Variants in SFXN4 observed in about 807,000 individuals in gnomAD.
The protein encoded by SFXN4 is sideroflexin 4.
SFXN4 carries 48 observed loss-of-function variants against 54.6 expected under a neutral mutation model. That is an observed-to-expected ratio of 0.88 (90% confidence interval 0.70 to 1.12). The LOEUF (loss-of-function observed/expected upper bound fraction) is 1.12, where lower values mean the gene tolerates loss of function less well. Among genes scored for constraint, SFXN4 ranks in the 50% most tolerant of loss-of-function variants. The pLI, the probability that SFXN4 is intolerant of heterozygous loss-of-function variation, is 0.00. For synonymous variants in SFXN4, 130 were observed against 145.5 expected, an observed-to-expected ratio of 0.89 and a Z score of 0.77; for missense variants, 383 against 409.2, an observed-to-expected ratio of 0.94 and a Z score of 0.55.
At chr10:119,155,301 C>A (rs1847237407) in intron 10 of SFXN4, 124 bp from the exon 11 acceptor site, 1 of 672,556 alleles carries the variant, frequency 1.5e-6, no homozygotes, top group African/African-American at 1.8e-5. Context: ...TTTCTTGACC[C>A]TCAGGTGGAC....
intron 11 of SFXN4, among the ~76,000 whole-genome samples, chr10:119,150,907 T>C (rs967779997): frequency 7.2e-5 from 11 of 151,962 alleles, no homozygotes; most frequent in African/African-American, 2.4e-4. Context: ...ATAAGCAAAA[T>C]GCGGCACATC....
In SFXN4 at chr10:119,158,003, G is replaced by A. The variant is rs1402471371; in HGVS notation, c.414+6C>T. The A allele has an allele frequency of 1.2e-6, 2 of 1,613,956 alleles. No individual in the cohort carries two copies. The highest frequency in any genetic ancestry group is 1.3e-5 in the African/African-American group (1 of 74,948). ...TTAGTAATCGTGAAACAGGAAGAAT[G>A]GCTACCTGAGGTAAAATCACGGACT... is the stretch of plus-strand genomic sequence containing the variant. On this transcript the variant is annotated splice_donor_region_variant and intron_variant, in intron 7 of 13. Coordinates refer to ENST00000355697, the MANE Select transcript of SFXN4 (RefSeq NM_213649.2).
In SFXN4 at chr10:119,162,455, T is replaced by C. The variant is rs201202336; in HGVS notation, c.178-41A>G. 1.1e-4 allele frequency: 166 copies of C among 1,530,846 alleles called. 1 individual carries two copies. The East Asian group carries it at 2.6e-3, about 24-fold the overall frequency. 94.8% of individuals were successfully genotyped at this position (1,530,846 alleles called of 1,614,324 possible). On this transcript the variant is annotated intron_variant, in intron 2 of 13. Coordinates refer to ENST00000355697, the MANE Select transcript of SFXN4 (RefSeq NM_213649.2). ...AAGTAATCAAGTAATGATCTCAACATTGTTCAGGTTTATCCCCAGAGGTAG... is the reference window on the plus strand; with the variant it reads ...AAGTAATCAAGTAATGATCTCAACACTGTTCAGGTTTATCCCCAGAGGTAG...
At chr10:119,164,040 CAAAAAA>C in intron 2 of SFXN4, 85 bp downstream of exon 2, 399 of 309,064 alleles carry the variant, frequency 1.3e-3, no homozygotes, top group East Asian at 2.0e-3. Context: ...AACTCCGTCT[CAAAAAA>C]AAAAAAAAAA....
chr10:119,156,808 G>A (rs1181571777), intron 9 of SFXN4, 52 bp from the exon 10 acceptor site: 1 of 1,387,274 alleles, frequency 7.2e-7, no homozygotes, highest in African/African-American at 1.4e-5. Flanking sequence ...AAAATCAGCG[G>A]AACCTACTCA....
At position 119,158,002 on chromosome 10, in the gene SFXN4, T is replaced by C. The variant is rs1330210797; in HGVS notation, c.414+7A>G. The C allele has an allele frequency of 6.2e-7, 1 of 1,614,116 alleles. No individual in the cohort carries two copies. Among genetic ancestry groups the C allele is most frequent in the Admixed American group, 1.7e-5 (1 of 60,008 alleles). On this transcript the variant is annotated splice_region_variant and intron_variant, in intron 7 of 13. Coordinates refer to ENST00000355697, the MANE Select transcript of SFXN4 (RefSeq NM_213649.2). ...TTTAGTAATCGTGAAACAGGAAGAA[T>C]GGCTACCTGAGGTAAAATCACGGAC...
chr10:119,143,896 A>G (rs527493435), intron 13 of SFXN4, among the ~76,000 whole-genome samples: 5 of 152,308 alleles, frequency 3.3e-5, no homozygotes, highest in African/African-American at 1.2e-4. Flanking sequence ...AATTACAGAC[A>G]TGAGCCACCG....
At chr10:119,162,164 G>T in intron 3 of SFXN4, 176 bp downstream of exon 3, 1 of 597,208 alleles carries the variant, frequency 1.7e-6, no homozygotes, top group Admixed American at 3.2e-5. Context: ...TGGTCCTCTG[G>T]GCAGTATATA....
chr10:119,142,617 C>T (rs1172985056), intron 13 of SFXN4, among the ~76,000 whole-genome samples: 1 of 150,056 alleles, frequency 6.7e-6, no homozygotes, highest in African/African-American at 2.5e-5. Flanking sequence ...GTGGCGCGAC[C>T]TCGGCTCACT....
chr10:119,159,639 G>A lies in SFXN4; in HGVS notation c.360+89C>T, dbSNP rs547359763. 8.6e-4 allele frequency: 1,190 copies of A among 1,377,826 alleles called. 1 individual carries two copies. The highest frequency in any genetic ancestry group is 1.1e-3 in the Non-Finnish European group (1,108 of 964,964). 85.4% of individuals were successfully genotyped at this position (1,377,826 alleles called of 1,614,324 possible). On this transcript the variant is annotated intron_variant, in intron 6 of 13. Transcript: ENST00000355697. ...TCAGGCAGTCATGTGACAGGGGTCCGGAGCTGGAGGGACACAGCTGAGGTT... is the reference window on the plus strand; with the variant it reads ...TCAGGCAGTCATGTGACAGGGGTCCAGAGCTGGAGGGACACAGCTGAGGTT...
chr10:119,155,554 G>A (rs1589639017), intron 10 of SFXN4, among the ~76,000 whole-genome samples: 1 of 152,046 alleles, frequency 6.6e-6, no homozygotes, highest in East Asian at 1.9e-4. Context: ...GTGCAATGGT[G>A]TGATCTCAGC....
intron 13 of SFXN4, among the ~76,000 whole-genome samples, chr10:119,144,216 G>A (rs1846684290): frequency 6.6e-6 from 1 of 152,176 alleles, no homozygotes; most frequent in African/African-American, 2.4e-5. Flanking sequence ...CAGCACTTTG[G>A]GAGGCCGAGG....
chr10:119,163,829 C>A (rs988274205), intron 2 of SFXN4, among the ~76,000 whole-genome samples: 1 of 151,750 alleles, frequency 6.6e-6, no homozygotes, highest in Non-Finnish European at 1.5e-5. Context: ...GGCCTGAGGT[C>A]GGGAGTTCAA....
chr10:119,142,284 T>G (rs749578832), intron 13 of SFXN4, among the ~76,000 whole-genome samples: 2 of 152,102 alleles, frequency 1.3e-5, no homozygotes, highest in Non-Finnish European at 2.9e-5. Context: ...TATTAACAAT[T>G]TGCAGATCTC....
intron 1 of SFXN4, among the ~76,000 whole-genome samples, chr10:119,164,993 C>G (rs1298462613): frequency 6.8e-6 from 1 of 147,332 alleles, no homozygotes. Flanking sequence ...ACCTGCTAGG[C>G]TAAATGTACT....
intron 3 of SFXN4, among the ~76,000 whole-genome samples, chr10:119,161,428 A>C (rs1564827503): frequency 8.6e-6 from 1 of 115,894 alleles, no homozygotes; most frequent in South Asian, 2.9e-4. Flanking sequence ...CAACAACAAC[A>C]AAAAAAAACA....
chr10:119,148,944 T>C (rs1253159874), intron 11 of SFXN4, among the ~76,000 whole-genome samples: 1 of 152,126 alleles, frequency 6.6e-6, no homozygotes, highest in Non-Finnish European at 1.5e-5. Context: ...TGGAGTACAG[T>C]AGCGTGATCA....
chr10:119,157,583 G>A, intron 9 of SFXN4, 85 bp downstream of exon 9: 1 of 1,096,478 alleles, frequency 9.1e-7, no homozygotes, highest in Non-Finnish European at 1.3e-6. Context: ...TGTTTAAATT[G>A]GAACATAAAT....
chr10:119,154,405 G>T (rs1041364583), intron 11 of SFXN4, among the ~76,000 whole-genome samples: 1 of 152,076 alleles, frequency 6.6e-6, no homozygotes, highest in Non-Finnish European at 1.5e-5. Context: ...GACATGTACT[G>T]CCCAGGTGCG....
Sources: gnomAD v4.1 joint callset for allele counts (sites outside exome capture counted in the v4.1 genomes callset) on GRCh38, gnomAD v4.1.1 for gene constraint, MANE v1.5 for transcripts, NCBI Gene and HGNC (gene_info 2026-07-23, HGNC 2026-07-21) for gene names.